RIMS1: variants seen among roughly 807,000 people sequenced by gnomAD.
RIMS1 encodes the protein regulating synaptic membrane exocytosis 1, also known as regulating synaptic membrane exocytosis protein 1.
In RIMS1, 83 loss-of-function variants were observed where a neutral mutation model predicts 214.1. The ratio of observed to expected loss-of-function variants is 0.39; its 90% CI spans 0.32 to 0.47. The LOEUF (loss-of-function observed/expected upper bound fraction) is 0.47. Among genes scored for constraint, RIMS1 ranks in the 20% least tolerant of loss-of-function variants. The probability of loss-of-function intolerance (pLI) is 0.99; values close to 1 mark genes in which losing one functional copy is unlikely to be tolerated. For synonymous variants in RIMS1, 793 were observed against 786.8 expected (o/e 1.01, Z -0.13); for missense variants, 2,050 against 2,161.8 (o/e 0.95, Z 1.03).
intron 2 of RIMS1, among the ~76,000 whole-genome samples, chr6:72,067,127 C>T (rs1829508260): frequency 6.6e-6 from 1 of 152,150 alleles, no homozygotes; most frequent in South Asian, 2.1e-4. Context: ...CCTCCTGCCC[C>T]TAGAAAAAGC....
intron 2 of RIMS1, among the ~76,000 whole-genome samples, chr6:72,064,546 A>G (rs958054896): frequency 1.3e-5 from 2 of 152,210 alleles, no homozygotes; most frequent in African/African-American, 4.8e-5. Flanking sequence ...AGATCAGCCC[A>G]CTTGACAGGA....
chr6:72,070,858 GT>G (rs1301053751), intron 2 of RIMS1, among the ~76,000 whole-genome samples: 1 of 152,172 alleles, frequency 6.6e-6, no homozygotes, highest in Non-Finnish European at 1.5e-5. Context: ...GCAAACCATA[GT>G]TTGGCCTGTA....
At chr6:72,365,113 G>A (rs2097948960) in intron 29 of RIMS1, among the ~76,000 whole-genome samples, 1 of 152,256 alleles carries the variant, frequency 6.6e-6, no homozygotes, top group South Asian at 2.1e-4. Flanking sequence ...CCCAGCCAGT[G>A]AGGGGCTCTA....
At chr6:71,956,624 G>A (rs771006139) in intron 1 of RIMS1, among the ~76,000 whole-genome samples, 3 of 152,114 alleles carry the variant, frequency 2.0e-5, no homozygotes, top group East Asian at 1.9e-4. Context: ...GACAGGAACC[G>A]ACTTCATACA....
chr6:72,056,082 A>AT, intron 2 of RIMS1, among the ~76,000 whole-genome samples: 1 of 48,978 alleles, frequency 2.0e-5, no homozygotes, highest in East Asian at 6.0e-4. Context: ...CTATGCAGCC[A>AT]TAAAAAAAAA....
chr6:72,398,417 C>T (rs1286157518), intron 32 of RIMS1, 67 bp downstream of exon 32: 2 of 924,062 alleles, frequency 2.2e-6, no homozygotes, highest in Non-Finnish European at 3.3e-6. Flanking sequence ...AAAACATTTG[C>T]TGCATTTGAA....
chr6:72,187,182 T>C (rs1229399451), intron 6 of RIMS1, among the ~76,000 whole-genome samples: 1 of 151,128 alleles, frequency 6.6e-6, no homozygotes, highest in East Asian at 1.9e-4. Flanking sequence ...AAGAGAGGAA[T>C]GAAGGAAGGA....
intron 6 of RIMS1, among the ~76,000 whole-genome samples, chr6:72,215,628 T>G (rs2055589533): frequency 6.6e-6 from 1 of 152,240 alleles, no homozygotes; most frequent in Non-Finnish European, 1.5e-5. Flanking sequence ...TATTTGGCAC[T>G]TAATAAGCAT....
intron 2 of RIMS1, among the ~76,000 whole-genome samples, chr6:72,050,217 T>C (rs547915680): frequency 2.6e-5 from 4 of 152,078 alleles, no homozygotes; most frequent in Non-Finnish European, 5.9e-5. Flanking sequence ...GTAATATCTA[T>C]TTTTTTAAGA....
intron 1 of RIMS1, among the ~76,000 whole-genome samples, chr6:71,909,285 A>T (rs546410843): frequency 6.6e-6 from 1 of 152,320 alleles, no homozygotes. Flanking sequence ...CAGCCCTTCC[A>T]AAGTGCCCAG....
chr6:71,954,214 G>A (rs577392987), intron 1 of RIMS1, among the ~76,000 whole-genome samples: 1 of 152,282 alleles, frequency 6.6e-6, no homozygotes, highest in African/African-American at 2.4e-5. Flanking sequence ...TGGTTCTACA[G>A]AGAATGTAGA....
intron 6 of RIMS1, among the ~76,000 whole-genome samples, chr6:72,193,172 G>T (rs1174809941): frequency 6.6e-6 from 1 of 152,182 alleles, no homozygotes; most frequent in East Asian, 1.9e-4. Flanking sequence ...TAGTTGGAGG[G>T]TTGGAGCTTG....
At chr6:71,891,990 G>A (rs969818281) in intron 1 of RIMS1, among the ~76,000 whole-genome samples, 5 of 152,094 alleles carry the variant, frequency 3.3e-5, no homozygotes, top group Non-Finnish European at 7.4e-5. Context: ...CAATTGTATT[G>A]CATTTAATTT....
intron 4 of RIMS1, among the ~76,000 whole-genome samples, chr6:72,146,840 C>T (rs768612006): frequency 6.6e-6 from 1 of 152,162 alleles, no homozygotes; most frequent in Non-Finnish European, 1.5e-5. Context: ...GTCTCAATTA[C>T]ATGTTATAAT....
At chr6:72,211,460 G>A (rs1346617689) in intron 6 of RIMS1, among the ~76,000 whole-genome samples, 2 of 152,114 alleles carry the variant, frequency 1.3e-5, no homozygotes, top group African/African-American at 4.8e-5. Flanking sequence ...ATATAATTGT[G>A]AGCAACAGGA....
intron 4 of RIMS1, chr6:72,148,602 T>A (rs1445928047): frequency 2.2e-6 from 1 of 456,778 alleles, no homozygotes; most frequent in African/African-American, 2.0e-5. Context: ...GATACGAGCA[T>A]GACCTCCTTC....
chr6:71,977,975 A>G (rs1461143152), intron 2 of RIMS1, among the ~76,000 whole-genome samples: 2 of 152,178 alleles, frequency 1.3e-5, no homozygotes, highest in Non-Finnish European at 2.9e-5. Flanking sequence ...TTTAGGAGAC[A>G]GTTGTGGCAG....
intron 2 of RIMS1, among the ~76,000 whole-genome samples, chr6:72,026,325 A>G (rs1374810321): frequency 1.3e-5 from 2 of 152,220 alleles, no homozygotes; most frequent in South Asian, 2.1e-4. Context: ...CCTATAGTAT[A>G]TTATATCTAA....
intron 1 of RIMS1, among the ~76,000 whole-genome samples, chr6:71,956,659 T>C (rs962630654): frequency 2.6e-5 from 4 of 152,168 alleles, no homozygotes; most frequent in African/African-American, 9.7e-5. Flanking sequence ...CGACCTCTCA[T>C]AAAAGCTGAG....
Sources: gnomAD v4.1 joint callset for allele counts (sites outside exome capture counted in the v4.1 genomes callset) on GRCh38, gnomAD v4.1.1 for gene constraint, MANE v1.5 for transcripts, NCBI Gene and HGNC (gene_info 2026-07-23, HGNC 2026-07-21) for gene names.